CSMD1: variants seen among roughly 807,000 people sequenced by gnomAD.
CSMD1 encodes CUB and Sushi multiple domains 1.
CSMD1 carries 213 observed loss-of-function variants against 417.5 expected under a neutral mutation model. The ratio of observed to expected loss-of-function variants is 0.51; its 90% CI spans 0.46 to 0.57. The LOEUF (loss-of-function observed/expected upper bound fraction) is 0.57. Ranked by LOEUF, CSMD1 falls within the 20% of genes least tolerant of loss-of-function variation. The pLI is 0.00. For missense variants in CSMD1, 6,923 were observed against 4,529.7 expected (o/e 1.53, Z -15.17); for synonymous variants, 2,862 against 1,736.8 (o/e 1.65, Z -16.11).
At chr8:3,322,852 A>T (rs571767869) in intron 23 of CSMD1, among the ~76,000 whole-genome samples, 1 of 152,352 alleles carries the variant, frequency 6.6e-6, no homozygotes, top group East Asian at 1.9e-4. Context: ...AAGGAAATTG[A>T]TTTCTGGTTA....
At chr8:4,265,737 G>C (rs1804194122) in intron 3 of CSMD1, among the ~76,000 whole-genome samples, 1 of 104,522 alleles carries the variant, frequency 9.6e-6, no homozygotes, top group Admixed American at 9.1e-5. Context: ...AACATAAAAT[G>C]TTTGAAAACT....
intron 5 of CSMD1, among the ~76,000 whole-genome samples, chr8:3,886,537 G>C (rs923893504): frequency 2.6e-5 from 4 of 152,204 alleles, no homozygotes; most frequent in African/African-American, 4.8e-5. Flanking sequence ...AGCAGGCCAT[G>C]GACAGCACTT....
chr8:3,789,311 G>C (rs1163250280), intron 5 of CSMD1, among the ~76,000 whole-genome samples: 7 of 150,710 alleles, frequency 4.6e-5, no homozygotes, highest in Admixed American at 3.3e-4. Context: ...TATTTATTGT[G>C]ACAGCCCCAA....
chr8:3,987,414 T>A (rs541435531), intron 5 of CSMD1, among the ~76,000 whole-genome samples: 1 of 152,354 alleles, frequency 6.6e-6, no homozygotes, highest in African/African-American at 2.4e-5. Flanking sequence ...ACAGGGGTTG[T>A]CTGTCTCCGT....
At chr8:4,675,636 A>C (rs1257494125) in intron 1 of CSMD1, among the ~76,000 whole-genome samples, 3 of 152,214 alleles carry the variant, frequency 2.0e-5, no homozygotes, top group African/African-American at 7.2e-5. Flanking sequence ...TAAAAAAAGT[A>C]AGCAGGATAT....
chr8:2,965,934 C>G lies in CSMD1; in HGVS notation c.9121G>C (p.Gly3041Arg). 6.2e-7 allele frequency: 1 copy of G among 1,607,542 alleles called. No individual in the cohort carries two copies. The highest frequency in any genetic ancestry group is 8.5e-7 in the Non-Finnish European group (1 of 1,176,936). The change falls in exon 59 of 70, where the codon GGC becomes CGC. Residue 3041 changes from glycine to arginine, a missense_variant. Transcript: ENST00000635120. ...DCTIISCGDP[G>R]TLANGIQFGT... Reference sequence around the variant, plus strand: ...AACTGGATGCCATTTGCTAGTGTGCCTGGATCCCCACAACTTATAACTAAT... The same window carrying G: ...AACTGGATGCCATTTGCTAGTGTGCGTGGATCCCCACAACTTATAACTAAT...
At chr8:4,643,196 CA>C (rs1450101268) in intron 1 of CSMD1, among the ~76,000 whole-genome samples, 1 of 152,212 alleles carries the variant, frequency 6.6e-6, no homozygotes, top group African/African-American at 2.4e-5. Flanking sequence ...CCCAGATCAC[CA>C]CACTGGCTCC....
intron 1 of CSMD1, among the ~76,000 whole-genome samples, chr8:4,828,961 G>T (rs1009761689): frequency 6.6e-6 from 1 of 152,124 alleles, no homozygotes; most frequent in Admixed American, 6.6e-5. Context: ...AGTAATTCCT[G>T]TAATAGTAAC....
At chr8:3,662,940 G>A (rs564481064) in intron 7 of CSMD1, among the ~76,000 whole-genome samples, 3 of 152,182 alleles carry the variant, frequency 2.0e-5, no homozygotes, top group African/African-American at 2.4e-5. Flanking sequence ...AACCACCATG[G>A]CACATGTGTT....
At chr8:4,748,090 A>G (rs1489442345) in intron 1 of CSMD1, among the ~76,000 whole-genome samples, 1 of 152,204 alleles carries the variant, frequency 6.6e-6, no homozygotes, top group Non-Finnish European at 1.5e-5. Flanking sequence ...TTGAAATATG[A>G]CTGATGAAAA....
intron 2 of CSMD1, among the ~76,000 whole-genome samples, chr8:4,442,576 C>G (rs908358980): frequency 6.6e-6 from 1 of 152,174 alleles, no homozygotes. Context: ...TATCTTGTTT[C>G]ACTTATAGCT....
In CSMD1 at chr8:2,966,625, C is replaced by T. The variant is rs773914889; in HGVS notation, c.9045G>A (p.Met3015Ile). ...TCCCATTGGCTGTGCAATGCCGTGTCATGAGCCCTGAGGTCTTGTAGCCTT... is the reference window on the plus strand; with the variant it reads ...TCCCATTGGCTGTGCAATGCCGTGTTATGAGCCCTGAGGTCTTGTAGCCTT... ...CWEGYKTSGL[M>I]TRHCTANGTW... Residue 3015 changes from methionine (M) to isoleucine (I), a missense_variant, in exon 58 of 70, where the codon ATG (methionine) becomes ATA (isoleucine). Coordinates refer to ENST00000635120, the MANE Select transcript of CSMD1 (RefSeq NM_033225.6). 22 of 1,613,640 alleles carry T rather than the reference C, an allele frequency of 1.4e-5. No homozygotes were observed. In the African/African-American group the frequency reaches 2.3e-4, roughly 17 times the overall value.
intron 7 of CSMD1, among the ~76,000 whole-genome samples, chr8:3,617,317 T>C (rs1389876380): frequency 1.3e-5 from 2 of 152,234 alleles, no homozygotes; most frequent in Non-Finnish European, 2.9e-5. Context: ...ACTGATTTAT[T>C]TCTCGAATTT....
intron 2 of CSMD1, among the ~76,000 whole-genome samples, chr8:4,469,517 T>C (rs1184890325): frequency 6.6e-6 from 1 of 152,148 alleles, no homozygotes; most frequent in Non-Finnish European, 1.5e-5. Flanking sequence ...ACCAAACCTA[T>C]TCCTTCCGGA....
intron 1 of CSMD1, among the ~76,000 whole-genome samples, chr8:4,861,241 A>C (rs984475744): frequency 6.6e-6 from 1 of 152,168 alleles, no homozygotes; most frequent in Non-Finnish European, 1.5e-5. Context: ...ACAGTAATAT[A>C]TCTCTGCGGC....
chr8:3,181,495 T>C (rs1206297365), intron 36 of CSMD1, among the ~76,000 whole-genome samples: 1 of 152,232 alleles, frequency 6.6e-6, no homozygotes, highest in East Asian at 1.9e-4. Flanking sequence ...TGCATTGTTT[T>C]ATCCATGTAA....
intron 1 of CSMD1, among the ~76,000 whole-genome samples, chr8:4,730,257 T>G (rs968735676): frequency 1.8e-4 from 28 of 152,210 alleles, no homozygotes; most frequent in African/African-American, 6.7e-4. Flanking sequence ...ATATACTTTT[T>G]TATGTTCAGG....
chr8:3,844,252 G>C (rs1243805089), intron 5 of CSMD1, among the ~76,000 whole-genome samples: 2 of 152,168 alleles, frequency 1.3e-5, no homozygotes, highest in African/African-American at 2.4e-5. Context: ...TTGAGAGCAA[G>C]TTCCTGACGG....
At chr8:3,262,183 G>GAAAA (rs143292375) in intron 26 of CSMD1, among the ~76,000 whole-genome samples, 17 of 54,720 alleles carry the variant, frequency 3.1e-4, no homozygotes, top group Non-Finnish European at 3.8e-4. Context: ...ATGCTCATAT[G>GAAAA]AATATATATA....
Sources: gnomAD v4.1 joint callset for allele counts (sites outside exome capture counted in the v4.1 genomes callset) on GRCh38, gnomAD v4.1.1 for gene constraint, MANE v1.5 for transcripts, NCBI Gene and HGNC (gene_info 2026-07-23, HGNC 2026-07-21) for gene names.